Variants in PLIN2 observed in about 807,000 individuals in gnomAD.
PLIN2 encodes perilipin 2.
In PLIN2, 33 loss-of-function variants were observed where a neutral mutation model predicts 30.6. The observed-to-expected ratio is 1.08, with a 90% CI of 0.82 to 1.44. The LOEUF (loss-of-function observed/expected upper bound fraction) is 1.44. Ranked by LOEUF, PLIN2 falls within the 40% of genes most tolerant of loss-of-function variation. The pLI is 0.00. For synonymous variants in PLIN2, 205 were observed against 201.1 expected, an observed-to-expected ratio of 1.02 and a Z score of -0.16; for missense variants, 610 against 531.8, an observed-to-expected ratio of 1.15 and a Z score of -1.45.
chr9:19,109,320 C>T (rs1459466417), intron 2 of PLIN2, among the ~76,000 whole-genome samples: 3 of 149,184 alleles, frequency 2.0e-5, no homozygotes, highest in African/African-American at 4.9e-5. Context: ...TTTGGGAGGC[C>T]GAGATGGGAG....
chr9:19,112,798 C>A (rs1324137901), downstream of PLIN2, among the ~76,000 whole-genome samples: 1 of 150,846 alleles, frequency 6.6e-6, no homozygotes, highest in Non-Finnish European at 1.5e-5. Flanking sequence ...ACTTGAAACA[C>A]AAAGACAGCA....
chr9:19,121,604 C>T (rs796787158), intron 4 of PLIN2, among the ~76,000 whole-genome samples: 5 of 151,860 alleles, frequency 3.3e-5, no homozygotes, highest in African/African-American at 1.2e-4. Context: ...GAAGATCAAA[C>T]TATACCTGGC....
chr9:19,126,171 T>G lies in PLIN2; in HGVS notation c.169A>C (p.Ile57Leu). Residue 57 changes from isoleucine (I) to leucine (L), a missense_variant, in exon 3 of 8, where the codon ATC becomes CTC. By Grantham distance (5) the Ile-to-Leu change is conservative. Coordinates refer to ENST00000276914, the MANE Select transcript of PLIN2 (RefSeq NM_001122.4). Reference sequence around the variant, plus strand: ...GCACTGGTCATGGCCACGGAGGTGATGGTCTTCACACCGTTCTCTGCCATC... The same window carrying G: ...GCACTGGTCATGGCCACGGAGGTGAGGGTCTTCACACCGTTCTCTGCCATC... ...CEMAENGVKT[I>L]TSVAMTSALP... is the part of the protein sequence containing the mutation. 6.2e-7 allele frequency: 1 copy of G among 1,614,130 alleles called. No homozygotes were observed. The highest frequency in any genetic ancestry group is 1.3e-5 in the African/African-American group (1 of 75,022).
downstream of PLIN2, among the ~76,000 whole-genome samples, chr9:19,114,286 T>C (rs1818192800): frequency 6.6e-6 from 1 of 152,132 alleles, no homozygotes; most frequent in African/African-American, 2.4e-5. Flanking sequence ...CTTGTTTTCA[T>C]GGAGAGAAAG....
At chr9:19,108,925 A>G (rs1010188295) in intron 2 of PLIN2, among the ~76,000 whole-genome samples, 1 of 152,248 alleles carries the variant, frequency 6.6e-6, no homozygotes, top group African/African-American at 2.4e-5. Context: ...TAAAAGCACT[A>G]AGGAAACCTT....
downstream of PLIN2, among the ~76,000 whole-genome samples, chr9:19,115,310 CTT>C (rs796763566): frequency 1.4e-4 from 19 of 137,762 alleles, no homozygotes; most frequent in Non-Finnish European, 1.1e-4. Context: ...ATTTTCTTTT[CTT>C]TTTTTTTTTT....
chr9:19,116,225 A>ATG lies in PLIN2; in HGVS notation c.*21_*22dup. The ATG allele has an allele frequency of 6.5e-7, 1 of 1,542,756 alleles. No homozygotes were observed. On this transcript the variant is annotated 3_prime_UTR_variant, in exon 8 of 8. Coordinates refer to ENST00000276914, the MANE Select transcript of PLIN2 (RefSeq NM_001122.4). ...AAGGTGTCATCTGTCTGGCCACAGC[A>ATG]TGCACTAGTGATAGGGGCAGGTTTA... is the stretch of plus-strand genomic sequence containing the variant.
chr9:19,121,527 A>C (rs1057066134), intron 4 of PLIN2, among the ~76,000 whole-genome samples: 18 of 133,826 alleles, frequency 1.3e-4, no homozygotes, highest in African/African-American at 5.2e-4. Context: ...AAAAGAAAAA[A>C]AAAGAAAAGA....
chr9:19,109,564 GA>G (rs1818132606), intron 2 of PLIN2, among the ~76,000 whole-genome samples: 4 of 141,274 alleles, frequency 2.8e-5, no homozygotes, highest in Admixed American at 1.4e-4. Context: ...AGAAAGAAAA[GA>G]AAAAAAATTA....
At chr9:19,117,871 C>T (rs1818254512) in intron 7 of PLIN2, among the ~76,000 whole-genome samples, 1 of 152,170 alleles carries the variant, frequency 6.6e-6, no homozygotes, top group Non-Finnish European at 1.5e-5. Flanking sequence ...CCCGCCTCGG[C>T]CTCCCAAAGT....
At chr9:19,108,802 G>T (rs1219186758) in intron 2 of PLIN2, 1 of 152,582 alleles carries the variant, frequency 6.6e-6, no homozygotes, top group East Asian at 1.9e-4. Flanking sequence ...TGAGTTGTCA[G>T]GTCCATCTGA....
At chr9:19,126,029 A>C in intron 3 of PLIN2, 85 bp downstream of exon 3, 4 of 1,112,802 alleles carry the variant, frequency 3.6e-6, no homozygotes, top group Non-Finnish European at 5.3e-6. Flanking sequence ...GGAAGGGCTG[A>C]GGAGTTCCAG....
chr9:19,116,691 T>C (rs191984531), intron 7 of PLIN2, 42 bp from the exon 8 acceptor site: 1 of 1,561,698 alleles, frequency 6.4e-7, no homozygotes, highest in Non-Finnish European at 8.8e-7. Context: ...CCAACAGTGC[T>C]ATGTATAAAT....
At chr9:19,111,120 C>A (rs1818153389), downstream of PLIN2, among the ~76,000 whole-genome samples, 1 of 151,764 alleles carries the variant, frequency 6.6e-6, no homozygotes, top group Non-Finnish European at 1.5e-5. Context: ...TGCAGTGATG[C>A]CATCTTGGCT....
At chr9:19,119,952 T>C (rs1241677166) in intron 5 of PLIN2, 121 bp from the exon 6 acceptor site, 6 of 645,578 alleles carry the variant, frequency 9.3e-6, no homozygotes, top group South Asian at 4.2e-5. Flanking sequence ...AATCATGCAG[T>C]CATTTTTCCA....
downstream of PLIN2, among the ~76,000 whole-genome samples, chr9:19,114,790 T>C (rs763391948): frequency 6.6e-6 from 1 of 152,206 alleles, no homozygotes; most frequent in Non-Finnish European, 1.5e-5. Context: ...GGTTCCTAAA[T>C]AACCAATGTT....
downstream of PLIN2, among the ~76,000 whole-genome samples, chr9:19,113,054 C>G (rs997277363): frequency 6.6e-6 from 1 of 151,774 alleles, no homozygotes; most frequent in Admixed American, 6.6e-5. Flanking sequence ...GATAAGAAAG[C>G]ATGTGTGGCC....
chr9:19,119,616 C>A, intron 6 of PLIN2, 34 bp downstream of exon 6: 3 of 1,303,166 alleles, frequency 2.3e-6, no homozygotes, highest in South Asian at 3.0e-5. Context: ...TAAATGAACC[C>A]ACTTCAGACA....
chr9:19,120,910 G>A lies in PLIN2; in HGVS notation c.565C>T (p.Gln189Ter), dbSNP rs1238575949. ...ALTKSELLVE[Q>*]YLPLTEEELE... The stretch of plus-strand genomic sequence containing the variant: ...TCTTCCTCAGTGAGAGGGAGGTACT[G>A]TTCTACCAACAGCTCTGATTTGGTG... The change falls in exon 5 of 8, where the codon CAG (glutamine) becomes TAG (stop). Residue 189 changes from glutamine (Q) to a stop codon, truncating the protein, a stop_gained. Transcript: ENST00000276914. LOFTEE classifies it high-confidence loss of function. 1.2e-6 allele frequency: 2 copies of A among 1,614,018 alleles called. No homozygotes were observed. Among genetic ancestry groups the A allele is most frequent in the African/African-American group, 2.7e-5 (2 of 75,066 alleles).
Sources: gnomAD v4.1 joint callset for allele counts (sites outside exome capture counted in the v4.1 genomes callset) on GRCh38, gnomAD v4.1.1 for gene constraint, MANE v1.5 for transcripts, NCBI Gene and HGNC (gene_info 2026-07-23, HGNC 2026-07-21) for gene names.